The following PAX3 variants were observed in gnomAD, a reference collection of about 807,000 sequenced individuals.
PAX3 encodes the protein paired box protein Pax-3.
In PAX3, 14 loss-of-function variants were observed where a neutral mutation model predicts 51.6. The observed-to-expected ratio is 0.27, with a 90% confidence interval of 0.18 to 0.42. PAX3 has a LOEUF of 0.42. Ranked by LOEUF, PAX3 falls within the 10% of genes least tolerant of loss-of-function variation. The pLI, the probability that PAX3 is intolerant of heterozygous loss-of-function variation, is 1.00. For missense variants in PAX3, 540 were observed against 642.8 expected, an observed-to-expected ratio of 0.84 and a Z score of 1.73; for synonymous variants, 280 against 253.4, an observed-to-expected ratio of 1.11 and a Z score of -1.00.
chr2:222,204,952 A>G (rs1479334097), intron 7 of PAX3, among the ~76,000 whole-genome samples: 1 of 152,162 alleles, frequency 6.6e-6, no homozygotes, highest in Non-Finnish European at 1.5e-5. Context: ...CATTTTTGTG[A>G]TAAACTTTTT....
At chr2:222,246,180 G>A (rs1559282773) in intron 4 of PAX3, among the ~76,000 whole-genome samples, 1 of 152,174 alleles carries the variant, frequency 6.6e-6, no homozygotes, top group Non-Finnish European at 1.5e-5. Context: ...CTGACAATGT[G>A]TCCTAATCCC....
At chr2:222,220,097 T>TA (rs775028971) in intron 7 of PAX3, 43 bp downstream of exon 7, 2 of 1,530,682 alleles carry the variant, frequency 1.3e-6, no homozygotes, top group Non-Finnish European at 1.8e-6. Context: ...AATATTTGGT[T>TA]CTGGTATACA....
chr2:222,229,190 A>G lies in PAX3; in HGVS notation c.792+2888T>C, dbSNP rs1004800673. ...ATTTGTCTGCCCTTTTGATTGTGATACAGATTTTTTCTCTGCACTGTTATA... is the reference window on the plus strand; with the variant it reads ...ATTTGTCTGCCCTTTTGATTGTGATGCAGATTTTTTCTCTGCACTGTTATA... On this transcript the variant is annotated intron_variant, in intron 5 of 8. Transcript: ENST00000392070. 7.9e-5 allele frequency among the ~76,000 whole-genome samples: 12 copies of G among 151,006 alleles called. 1 individual carries two copies. The East Asian group carries it at 2.1e-3, about 27-fold the overall frequency.
In PAX3 at chr2:222,201,090, T is replaced by C; in HGVS notation, c.*318A>G. On this transcript the variant is annotated 3_prime_UTR_variant, in exon 9 of 9. Transcript: ENST00000392070. Reference sequence around the variant, plus strand: ...ACACAAGCAAATGGAATGTTCTAGCTCCTCGATGATCAGCACTAAAGAATT... The same window carrying C: ...ACACAAGCAAATGGAATGTTCTAGCCCCTCGATGATCAGCACTAAAGAATT... 1 of 1,419,172 alleles carries C rather than the reference T, an allele frequency of 7.0e-7. No homozygotes were observed. Among genetic ancestry groups the C allele is most frequent in the Non-Finnish European group, 9.9e-7 (1 of 1,011,424 alleles). 87.9% of individuals were successfully genotyped at this position (1,419,172 alleles called of 1,614,324 possible).
At chr2:222,273,412 A>G (rs1168372515) in intron 4 of PAX3, among the ~76,000 whole-genome samples, 1 of 152,232 alleles carries the variant, frequency 6.6e-6, no homozygotes, top group African/African-American at 2.4e-5. Flanking sequence ...ACATAAGTTC[A>G]TTGGTACCTT....
At chr2:222,207,433 G>T (rs1032811701) in intron 7 of PAX3, among the ~76,000 whole-genome samples, 2 of 152,140 alleles carry the variant, frequency 1.3e-5, no homozygotes, top group African/African-American at 4.8e-5. Context: ...TTAGGGAAAG[G>T]CCAAGACTGA....
chr2:222,200,824 G>A lies in PAX3; in HGVS notation c.*584C>T. 2.8e-6 allele frequency: 1 copy of A among 357,874 alleles called. No homozygotes were observed. The highest frequency in any genetic ancestry group is 5.1e-6 in the Non-Finnish European group (1 of 195,292). The allele number at this position is 357,874 out of a possible 1,614,324, so 22.2% of individuals were successfully genotyped here. A position where few individuals can be genotyped will look rare whatever the true frequency, so the allele number is the denominator to read the frequency against. ...TAATTTATTTAGGAGGTCCTTTACA[G>A]CTAGTCTAGCTTCCTAAAAATGGTT... On this transcript the variant is annotated 3_prime_UTR_variant, in exon 9 of 9. Transcript: ENST00000392070.
chr2:222,277,718 G>C (rs113511835), intron 4 of PAX3, among the ~76,000 whole-genome samples: 538 of 152,064 alleles, frequency 3.5e-3, no homozygotes, highest in African/African-American at 0.012. Flanking sequence ...GGCGGATCAC[G>C]AGGTCAAGAG....
At chr2:222,220,575 C>T (rs1001743200) in intron 6 of PAX3, among the ~76,000 whole-genome samples, 3 of 152,138 alleles carry the variant, frequency 2.0e-5, no homozygotes, top group African/African-American at 4.8e-5. Flanking sequence ...TATACTCTCA[C>T]GGCAGGCTCA....
intron 4 of PAX3, chr2:222,293,649 T>C (rs757027594): frequency 6.2e-7 from 1 of 1,613,982 alleles, no homozygotes; most frequent in Non-Finnish European, 8.5e-7. Context: ...CACACAGACA[T>C]ATTTATAAGG....
At chr2:222,295,474 G>A (rs1404133992) in intron 3 of PAX3, 54 bp downstream of exon 3, 11 of 1,603,038 alleles carry the variant, frequency 6.9e-6, no homozygotes, top group Admixed American at 1.7e-5. Context: ...TCGACGTGCC[G>A]GGGTAATAGC....
chr2:222,202,545 T>A (rs989495012), intron 7 of PAX3, among the ~76,000 whole-genome samples: 7 of 151,918 alleles, frequency 4.6e-5, no homozygotes, highest in Admixed American at 4.6e-4. Context: ...GAGGGAGAAA[T>A]TGTATCTGTT....
At chr2:222,241,704 T>A (rs1027362413) in intron 4 of PAX3, among the ~76,000 whole-genome samples, 2 of 152,264 alleles carry the variant, frequency 1.3e-5, no homozygotes, top group Non-Finnish European at 2.9e-5. Flanking sequence ...TCAGCACAGC[T>A]TGACACAGTT....
intron 4 of PAX3, among the ~76,000 whole-genome samples, chr2:222,245,348 A>C (rs940751825): frequency 2.0e-5 from 3 of 152,182 alleles, no homozygotes; most frequent in African/African-American, 4.8e-5. Context: ...CTTGGAGGCA[A>C]ATTCTTGTCT....
intron 4 of PAX3, among the ~76,000 whole-genome samples, chr2:222,272,561 C>G (rs1177099910): frequency 6.6e-6 from 1 of 152,176 alleles, no homozygotes; most frequent in East Asian, 1.9e-4. Flanking sequence ...GTTTAACCAA[C>G]TGTTTTTAAT....
At chr2:222,293,424 T>G (rs1695119255) in intron 4 of PAX3, among the ~76,000 whole-genome samples, 1 of 147,334 alleles carries the variant, frequency 6.8e-6, no homozygotes, top group Non-Finnish European at 1.5e-5. Context: ...CACTTCTGTC[T>G]CCCATGGGGG....
chr2:222,284,101 T>C (rs193063028), intron 4 of PAX3, among the ~76,000 whole-genome samples: 11 of 152,316 alleles, frequency 7.2e-5, no homozygotes, highest in Admixed American at 5.9e-4. Context: ...TTAAAACTTC[T>C]TAGCTCCAGT....
rs528515839 is a variant in PAX3 at position 222,294,124 on chromosome 2, C to T, written c.586+43G>A. 3.1e-5 allele frequency: 50 copies of T among 1,613,310 alleles called. No homozygotes were observed. The East Asian group carries it at 1.0e-3, about 33-fold the overall frequency. ...CCAATGTCAGCTAGCCGATGCCCTC[C>T]AAGTCACCCAGCAAGTGCGCCGCCC... On this transcript the variant is annotated intron_variant, in intron 4 of 8. Coordinates refer to ENST00000392070, the MANE Select transcript of PAX3 (RefSeq NM_181458.4).
At chr2:222,201,563 T>C (rs1691294628) in intron 8 of PAX3, 121 bp from the exon 9 acceptor site, 1 of 1,416,854 alleles carries the variant, frequency 7.1e-7, no homozygotes, top group Admixed American at 1.8e-5. Context: ...TTGAGACTAA[T>C]ATTTTTATTC....
Sources: allele counts gnomAD v4.1 joint callset (sites outside exome capture counted in the v4.1 genomes callset), GRCh38; gene constraint gnomAD v4.1.1; transcripts MANE v1.5; gene names NCBI Gene and HGNC (gene_info 2026-07-23, HGNC 2026-07-21).